The following ABCC3 variants were observed in gnomAD, a reference collection of about 807,000 sequenced individuals.
ABCC3 encodes the protein ATP-binding cassette sub-family C member 3.
Under a neutral mutation model 165.3 loss-of-function variants are expected in ABCC3, and 121 were observed. That is an observed-to-expected ratio of 0.73 (90% CI 0.63 to 0.85). The LOEUF is 0.85. Ranked by LOEUF, ABCC3 falls within the 40% of genes least tolerant of loss-of-function variation. The pLI is 0.00. For missense variants in ABCC3, 1,869 were observed against 1,964.1 expected (o/e 0.95, Z 0.92); for synonymous variants, 733 against 810.1 (o/e 0.90, Z 1.62).
Position 50,663,947 on chromosome 17 carries a change from C to T in ABCC3, c.1177-3C>T. 1 of 1,614,214 alleles carries T rather than the reference C, an allele frequency of 6.2e-7. No individual in the cohort carries two copies. On this transcript the variant is annotated splice_region_variant and splice_polypyrimidine_tract_variant and intron_variant, in intron 9 of 30. Transcript: ENST00000285238. Reference sequence around the variant, plus strand: ...AAGTCCACCCACTACTGTCTACCTGCAGGCTCTGGTTATCACCAACTCAGT... The same window carrying T: ...AAGTCCACCCACTACTGTCTACCTGTAGGCTCTGGTTATCACCAACTCAGT...
chr17:50,680,668 G>A (rs1049443998), intron 26 of ABCC3, among the ~76,000 whole-genome samples: 1 of 151,914 alleles, frequency 6.6e-6, no homozygotes, highest in Non-Finnish European at 1.5e-5. Context: ...CAACACAAAC[G>A]CTCTCACCTG....
At chr17:50,689,473 G>A (rs991844926) in intron 30 of ABCC3, among the ~76,000 whole-genome samples, 1 of 152,216 alleles carries the variant, frequency 6.6e-6, no homozygotes, top group African/African-American at 2.4e-5. Flanking sequence ...CTAGAAACTA[G>A]AGGGGAGGAG....
intron 8 of ABCC3, among the ~76,000 whole-genome samples, chr17:50,662,960 A>C (rs1567830966): frequency 6.6e-6 from 1 of 152,116 alleles, no homozygotes; most frequent in Non-Finnish European, 1.5e-5. Flanking sequence ...AGGGGGCAAC[A>C]GCGCAGCAAG....
At chr17:50,653,189 T>C (rs1022884165) in intron 1 of ABCC3, among the ~76,000 whole-genome samples, 3 of 150,282 alleles carry the variant, frequency 2.0e-5, no homozygotes, top group Non-Finnish European at 4.4e-5. Context: ...CTACTAAAAA[T>C]ACAAAAATTA....
At chr17:50,661,150 T>C (rs1967375325) in intron 8 of ABCC3, 36 bp downstream of exon 8, 2 of 1,536,250 alleles carry the variant, frequency 1.3e-6, no homozygotes, top group Non-Finnish European at 1.8e-6. Context: ...AGCCCTGCCC[T>C]GGGCAGCAGG....
intron 17 of ABCC3, 152 bp from the exon 18 acceptor site, chr17:50,672,819 C>G (rs1221467392): frequency 1.5e-6 from 1 of 654,590 alleles, no homozygotes; most frequent in East Asian, 2.8e-5. Flanking sequence ...TTGCAGTGAG[C>G]CAAGATCGCA....
chr17:50,668,406 GGGCTGACTCACATCCTCCCGTA>G lies in ABCC3; in HGVS notation c.1783-20_1784del. ...GGGGGTTGGGAAAGTACAGTCTCTA[GGGCTGACTCACATCCTCCCGTA>G]GGCCAGTGTGTCTCTGAAACGGATC... is the stretch of plus-strand genomic sequence containing the variant. On this transcript the variant is annotated splice_acceptor_variant and splice_polypyrimidine_tract_variant and intron_variant, in intron 13 of 30. Coordinates refer to ENST00000285238, the MANE Select transcript of ABCC3 (RefSeq NM_003786.4). LOFTEE classifies it high-confidence loss of function. The G allele has an allele frequency of 6.2e-7, 1 of 1,606,292 alleles. No individual in the cohort carries two copies. Among genetic ancestry groups the G allele is most frequent in the Non-Finnish European group, 8.5e-7 (1 of 1,173,202 alleles).
chr17:50,663,926 C>G (rs967665710), intron 9 of ABCC3, 24 bp from the exon 10 acceptor site: 1 of 1,614,082 alleles, frequency 6.2e-7, no homozygotes, highest in African/African-American at 1.3e-5. Flanking sequence ...GCAGCCAAGT[C>G]CACCCACTAC....
At chr17:50,684,910 A>G (rs1480349874) in intron 29 of ABCC3, 35 bp downstream of exon 29, 2 of 1,602,574 alleles carry the variant, frequency 1.2e-6, no homozygotes, top group South Asian at 2.2e-5. Flanking sequence ...AGGAACTGCA[A>G]CCCTCCCTGG....
chr17:50,684,440 T>G (rs1048262773), intron 28 of ABCC3, among the ~76,000 whole-genome samples: 1 of 151,972 alleles, frequency 6.6e-6, no homozygotes, highest in African/African-American at 2.4e-5. Context: ...TCCTCCGGGG[T>G]ATTTTTTGTT....
In ABCC3 at chr17:50,683,594, C is replaced by T. The variant is rs377343205; in HGVS notation, c.3808-16C>T. The T allele has an allele frequency of 6.5e-7, 1 of 1,542,220 alleles. No individual in the cohort carries two copies. The highest frequency in any genetic ancestry group is 1.4e-5 in the African/African-American group (1 of 71,974). ...CACTGGGCAGCTGATGTGACCCCATCTGCCCCTCCTGCCAGGCGCCCTGGG... is the reference window on the plus strand; with the variant it reads ...CACTGGGCAGCTGATGTGACCCCATTTGCCCCTCCTGCCAGGCGCCCTGGG... On this transcript the variant is annotated splice_polypyrimidine_tract_variant and intron_variant, in intron 26 of 30. Transcript: ENST00000285238.
chr17:50,669,136 C>G lies in ABCC3; in HGVS notation c.1938-4C>G. 15 of 1,596,152 alleles carry G rather than the reference C, an allele frequency of 9.4e-6. No individual in the cohort carries two copies. The highest frequency in any genetic ancestry group is 1.3e-5 in the Non-Finnish European group (15 of 1,173,546). On this transcript the variant is annotated splice_region_variant and splice_polypyrimidine_tract_variant and intron_variant, in intron 15 of 30. Transcript: ENST00000285238. ...AACTGGACTCCTGGGGTCCTTGCCCCCAGCCTAGACATCCAGGTCCCGAAA... is the reference window on the plus strand; with the variant it reads ...AACTGGACTCCTGGGGTCCTTGCCCGCAGCCTAGACATCCAGGTCCCGAAA...
chr17:50,654,735 A>C (rs1406190532), intron 1 of ABCC3, among the ~76,000 whole-genome samples: 1 of 152,198 alleles, frequency 6.6e-6, no homozygotes, highest in East Asian at 1.9e-4. Context: ...GAAAGGCCTT[A>C]AGAGAAAGTG....
At chr17:50,668,571 C>G (rs549644404) in intron 14 of ABCC3, 54 bp downstream of exon 14, 49 of 1,433,512 alleles carry the variant, frequency 3.4e-5, no homozygotes, top group Admixed American at 2.7e-4. Context: ...CCAGAAAAAC[C>G]TCTGTTTCAA....
chr17:50,664,946 T>C (rs1967487865), intron 10 of ABCC3, among the ~76,000 whole-genome samples: 1 of 152,196 alleles, frequency 6.6e-6, no homozygotes, highest in African/African-American at 2.4e-5. Context: ...ATCTGCTGTC[T>C]GTCCCTGTCG....
rs192402928 is a variant in ABCC3, at chr17:50,678,456, T to C, written c.3705+237T>C. 6.6e-5 allele frequency among the ~76,000 whole-genome samples: 10 copies of C among 152,332 alleles called. No homozygotes were observed. In the East Asian group the frequency reaches 1.9e-3, roughly 29 times the overall value. ...TCCCCAAGAAGCCCATGTTCTCACATTCAGAAAGAATTCTGTTGAATAATC... is the reference window on the plus strand; with the variant it reads ...TCCCCAAGAAGCCCATGTTCTCACACTCAGAAAGAATTCTGTTGAATAATC... On this transcript the variant is annotated intron_variant, in intron 25 of 30. Coordinates refer to ENST00000285238, the MANE Select transcript of ABCC3 (RefSeq NM_003786.4).
At chr17:50,659,185 G>A (rs373014894) in intron 6 of ABCC3, 52 bp from the exon 7 acceptor site, 5 of 1,600,268 alleles carry the variant, frequency 3.1e-6, no homozygotes, top group Non-Finnish European at 4.3e-6. Context: ...GCTCCAGGCT[G>A]CTAAACCCTG....
intron 19 of ABCC3, 50 bp downstream of exon 19, chr17:50,673,708 CCT>C: frequency 1.3e-6 from 2 of 1,579,972 alleles, no homozygotes; most frequent in Non-Finnish European, 1.7e-6. Flanking sequence ...CAGCATTCCC[CCT>C]GTCTGGGGTC....
In ABCC3 at chr17:50,675,712, G is replaced by A. The variant is rs1967788573; in HGVS notation, c.2796G>A (p.Val932=). ...PRRHLGPSEK[V]QVTEAKADGA... ...GGCACCTGGGTCCATCAGAGAAGGT[G>A]CAGGTGACAGAGGCGAAGGCAGATG... Residue 932 remains valine (V), a synonymous_variant, in exon 21 of 31, where the codon GTG becomes GTA. Coordinates refer to ENST00000285238, the MANE Select transcript of ABCC3 (RefSeq NM_003786.4). The A allele has an allele frequency of 3.2e-6, 5 of 1,568,014 alleles. No homozygotes were observed. The East Asian group carries it at 9.4e-5, about 30-fold the overall frequency.
Sources: allele counts gnomAD v4.1 joint callset (sites outside exome capture counted in the v4.1 genomes callset), GRCh38; gene constraint gnomAD v4.1.1; transcripts MANE v1.5; gene names NCBI Gene and HGNC (gene_info 2026-07-23, HGNC 2026-07-21).